Variants in IFNLR1 observed in about 807,000 individuals in gnomAD.
IFNLR1 encodes the protein interferon lambda receptor 1, also known as CRF2-12.
IFNLR1 carries 28 observed loss-of-function variants against 52.5 expected under a neutral mutation model. The observed-to-expected ratio is 0.53, with a 90% CI of 0.40 to 0.73. The LOEUF (loss-of-function observed/expected upper bound fraction) is 0.73. Among genes scored for constraint, IFNLR1 ranks in the 30% least tolerant of loss-of-function variants. The pLI is 0.00. For synonymous variants in IFNLR1, 276 were observed against 274.9 expected (o/e 1.00, Z -0.04); for missense variants, 623 against 659.1 (o/e 0.95, Z 0.60).
At chr1:24,168,520 T>C (rs1415388628) in intron 3 of IFNLR1, among the ~76,000 whole-genome samples, 3 of 152,038 alleles carry the variant, frequency 2.0e-5, no homozygotes, top group Non-Finnish European at 4.4e-5. Context: ...ATCAAGTTTC[T>C]TAGCTTCTGT....
intron 2 of IFNLR1, among the ~76,000 whole-genome samples, chr1:24,170,898 G>A (rs1644572216): frequency 6.6e-6 from 1 of 152,172 alleles, no homozygotes; most frequent in East Asian, 1.9e-4. Flanking sequence ...TGAGATGGGG[G>A]CTGACACAAA....
rs1192419439 is a variant in IFNLR1 at position 24,157,375 on chromosome 1, G to A, written c.1318C>T (p.Leu440Phe). ...FSKDSGFLEE[L>F]PEDNLSSWAT... Reference sequence around the variant, plus strand: ...CAGGAGGAGAGGTTATCTTCTGGGAGCTCTTCCAGGAAACCCGAGTCCTTG... The same window carrying A: ...CAGGAGGAGAGGTTATCTTCTGGGAACTCTTCCAGGAAACCCGAGTCCTTG... Residue 440 changes from leucine (L) to phenylalanine (F), a missense_variant, in exon 7 of 7, where the codon CTC becomes TTC. Leu to Phe is a conservative substitution (Grantham distance 22). Transcript: ENST00000327535. This position sits in a 1 kb window ranked among gnomAD's most constrained non-coding sequence, Gnocchi z 5.1. 2 of 1,614,182 alleles carry A rather than the reference G, an allele frequency of 1.2e-6. No homozygotes were observed. The highest frequency in any genetic ancestry group is 2.7e-5 in the African/African-American group (2 of 75,058).
At chr1:24,167,687 T>C (rs1213863873) in intron 3 of IFNLR1, among the ~76,000 whole-genome samples, 1 of 144,146 alleles carries the variant, frequency 6.9e-6, no homozygotes, top group Non-Finnish European at 1.5e-5. Context: ...GGCTGGCCTC[T>C]TTTTATTTAT....
At chr1:24,181,258 C>T (rs1019626674) in intron 1 of IFNLR1, among the ~76,000 whole-genome samples, 5 of 152,218 alleles carry the variant, frequency 3.3e-5, no homozygotes, top group African/African-American at 1.2e-4. Flanking sequence ...ACATGGGTTA[C>T]ACCAAAGGCT....
rs1644384711 is a variant in IFNLR1 at position 24,156,950 on chromosome 1, A to AG, written c.*179dup. 5 of 655,248 alleles carry AG rather than the reference A, an allele frequency of 7.6e-6. No individual in the cohort carries two copies. Among genetic ancestry groups the AG allele is most frequent in the Non-Finnish European group, 1.3e-5 (5 of 384,378 alleles). The allele number at this position is 655,248 out of a possible 1,614,324, so 40.6% of individuals were successfully genotyped here. A position where few individuals can be genotyped will look rare whatever the true frequency, so the allele number is the denominator to read the frequency against. On this transcript the variant is annotated 3_prime_UTR_variant, in exon 7 of 7. Transcript: ENST00000327535. ...CAGCCTAAAGAGGGCGGGTCACAGG[A>AG]GGGAGGGGCATCTTGTTGCTCAGCC...
At chr1:24,180,671 C>CGG in intron 2 of IFNLR1, 60 bp downstream of exon 2, 6 of 1,249,090 alleles carry the variant, frequency 4.8e-6, no homozygotes, top group Non-Finnish European at 5.7e-6. Context: ...AGAGAAGCCC[C>CGG]TCCAGCCCCC....
Position 24,161,641 on chromosome 1 carries a change from C to T in IFNLR1, c.411G>A (p.Glu137=), listed in dbSNP as rs148521759. The part of the protein sequence containing the change: ...PPVLVLTQTE[E]ILSANATYQL... ...GGTACGTGGCATTGGCACTCAGGAT[C>T]TCCTCCGTCTGGGTGAGCACCAGGA... The change falls in exon 4 of 7, where the codon GAG becomes GAA. Residue 137 remains glutamate (E), a synonymous_variant. Transcript: ENST00000327535. The T allele has an allele frequency of 5.6e-3, 8,619 of 1,541,390 alleles. 31 individuals carry two copies. The highest frequency in any genetic ancestry group is 6.4e-3 in the Non-Finnish European group (7,256 of 1,141,074).
Position 24,157,448 on chromosome 1 carries a change from C to A in IFNLR1, c.1245G>T (p.Gly415=), listed in dbSNP as rs997672602. 6.2e-7 allele frequency: 1 copy of A among 1,614,012 alleles called. No individual in the cohort carries two copies. Among genetic ancestry groups the A allele is most frequent in the African/African-American group, 1.3e-5 (1 of 74,938 alleles). ...GYLAEKGPGQ[G]PGGDGHQESL... The stretch of plus-strand genomic sequence containing the variant: ...ATTCTTGGTGCCCATCCCCACCCGG[C>A]CCTTGGCCTGGCCCCTTCTCAGCCA... The change falls in exon 7 of 7, where the codon GGG becomes GGT. Residue 415 remains glycine (G), a synonymous_variant. Transcript: ENST00000327535. The surrounding 1 kb of genome is among the most constrained non-coding windows in gnomAD (Gnocchi z 5.1).
At chr1:24,158,969 T>C (rs1191272218) in intron 6 of IFNLR1, 83 bp downstream of exon 6, 4 of 1,394,850 alleles carry the variant, frequency 2.9e-6, no homozygotes, top group Admixed American at 2.1e-5. Flanking sequence ...CTTGATATTC[T>C]ATCTGAACAA....
intron 3 of IFNLR1, 47 bp downstream of exon 3, chr1:24,169,370 C>T (rs761161910): frequency 5.2e-6 from 8 of 1,548,950 alleles, no homozygotes; most frequent in South Asian, 2.3e-5. Flanking sequence ...CACAGCTCCC[C>T]GATGGGATGG....
In IFNLR1 at chr1:24,169,416, C is replaced by T. The variant is rs1434145479; in HGVS notation, c.367+1G>A. 6.2e-7 allele frequency: 1 copy of T among 1,613,286 alleles called. No homozygotes were observed. Among genetic ancestry groups the T allele is most frequent in the Non-Finnish European group, 8.5e-7 (1 of 1,179,486 alleles). On this transcript the variant is annotated splice_donor_variant, in intron 3 of 6. Coordinates refer to ENST00000327535, the MANE Select transcript of IFNLR1 (RefSeq NM_170743.4). LOFTEE classifies it high-confidence loss of function. ...ACTCAGTCCCTTACCCACAGACCTACCTTCAAAAAGGTAATCCAGGTATTC... is the reference window on the plus strand; with the variant it reads ...ACTCAGTCCCTTACCCACAGACCTATCTTCAAAAAGGTAATCCAGGTATTC...
intron 1 of IFNLR1, among the ~76,000 whole-genome samples, chr1:24,181,440 C>T (rs890001970): frequency 3.9e-5 from 6 of 152,334 alleles, no homozygotes; most frequent in African/African-American, 1.4e-4. Flanking sequence ...ACTTCCCACC[C>T]ATTCCTTTAA....
At position 24,157,146 on chromosome 1, in the gene IFNLR1, T is replaced by C; in HGVS notation, c.1547A>G (p.His516Arg). 6.2e-7 allele frequency: 1 copy of C among 1,611,146 alleles called. No individual in the cohort carries two copies. The highest frequency in any genetic ancestry group is 8.5e-7 in the Non-Finnish European group (1 of 1,178,976). Residue 516 changes from histidine to arginine, a missense_variant, in exon 7 of 7, where the codon CAT becomes CGT. Physicochemically the swap from His to Arg is conservative, Grantham distance 29. Transcript: ENST00000327535. The surrounding 1 kb of genome is among the most constrained non-coding windows in gnomAD (Gnocchi z 5.1). ...RTEDRGRTLG[H>R]YMAR ...GGGGACAGCTCACCTGGCCATGTAATGCCCCAATGTCCGGCCCCTGTCCTC... is the reference window on the plus strand; with the variant it reads ...GGGGACAGCTCACCTGGCCATGTAACGCCCCAATGTCCGGCCCCTGTCCTC...
intron 2 of IFNLR1, among the ~76,000 whole-genome samples, chr1:24,179,894 C>T (rs1373041140): frequency 1.3e-5 from 2 of 152,218 alleles, no homozygotes; most frequent in Admixed American, 6.5e-5. Context: ...GAACTCTGAA[C>T]GATTCCCATC....
In IFNLR1 at chr1:24,157,526, G is replaced by C; in HGVS notation, c.1167C>G (p.Ser389Arg). ...AGGAGGAGTCCACAGTGCTGGCCCA[G>C]CTTCTGTCTGAAGAATCCCAAGCAG... ...GSSAWDSSDR[S>R]WASTVDSSWD... The change falls in exon 7 of 7, where the codon AGC becomes AGG. Residue 389 changes from serine to arginine, a missense_variant. Transcript: ENST00000327535. The surrounding 1 kb of genome is among the most constrained non-coding windows in gnomAD (Gnocchi z 5.1). The C allele has an allele frequency of 6.2e-7, 1 of 1,611,390 alleles. No individual in the cohort carries two copies. Among genetic ancestry groups the C allele is most frequent in the Non-Finnish European group, 8.5e-7 (1 of 1,178,718 alleles).
chr1:24,180,060 G>A (rs1430703206), intron 2 of IFNLR1, among the ~76,000 whole-genome samples: 1 of 152,204 alleles, frequency 6.6e-6, no homozygotes, highest in African/African-American at 2.4e-5. Context: ...ACTTTGGGAG[G>A]CTGAGGTGGG....
chr1:24,162,713 TTCTTTCTTTCTTTTCTTTCTTTC>T (rs1462409683), intron 3 of IFNLR1, among the ~76,000 whole-genome samples: 3 of 39,934 alleles, frequency 7.5e-5, no homozygotes, highest in African/African-American at 1.2e-4. Context: ...TTTCTTTTCT[TTCTTTCTTTCTTTTCTTTCTTTC>T]TTTCTTTCTT....
chr1:24,159,381 G>A, intron 5 of IFNLR1, 93 bp downstream of exon 5: 1 of 1,340,668 alleles, frequency 7.5e-7, no homozygotes, highest in South Asian at 1.3e-5. Context: ...ATCCAGGCGA[G>A]TCTATCTCTA....
chr1:24,164,313 G>C (rs1405976432), intron 3 of IFNLR1, among the ~76,000 whole-genome samples: 1 of 152,186 alleles, frequency 6.6e-6, no homozygotes, highest in Non-Finnish European at 1.5e-5. Context: ...AAGGTAGCAG[G>C]TGTTTGCAGC....
Sources: allele counts gnomAD v4.1 joint callset (sites outside exome capture counted in the v4.1 genomes callset), GRCh38; gene constraint gnomAD v4.1.1; non-coding constraint Gnocchi (gnomAD v3.1); transcripts MANE v1.5; gene names NCBI Gene and HGNC (gene_info 2026-07-23, HGNC 2026-07-21).